The following KIAA1210 variants were observed in gnomAD, a reference collection of about 807,000 sequenced individuals.
KIAA1210 encodes the protein KIAA1210, also known as acrosomal protein KIAA1210.
In KIAA1210, 48 loss-of-function variants were observed where a neutral mutation model predicts 78.9. The ratio of observed to expected loss-of-function variants is 0.61; its 90% confidence interval spans 0.48 to 0.77. The LOEUF is 0.77. Ranked by LOEUF, KIAA1210 falls within the 30% of genes least tolerant of loss-of-function variation. KIAA1210 has a pLI of 0.00. For missense variants in KIAA1210, 1,108 were observed against 1,100.0 expected (o/e 1.01, Z -0.10); for synonymous variants, 406 against 404.5 (o/e 1.00, Z -0.04).
chrX:119,111,765 A>G (rs1435107297), intron 3 of KIAA1210, among the ~76,000 whole-genome samples: 2 of 111,859 alleles, frequency 1.8e-5, no homozygotes, highest in Non-Finnish European at 3.8e-5. Flanking sequence ...TTTAAAAATT[A>G]ACTCAAAATG....
chrX:119,089,409 A>G lies in KIAA1210; in HGVS notation c.1293T>C (p.Pro431=). ...PTTSQPETTT[P]QGLLSDKDDM... is the part of the protein sequence containing the mutation. The stretch of plus-strand genomic sequence containing the variant: ...CATCTTTATCTGAAAGCAACCCCTG[A>G]GGGGTAGTGGTTTCTGGTTGTGAAG... The change falls in exon 9 of 12, where the codon CCT becomes CCC. Residue 431 remains proline (P), a synonymous_variant. Coordinates refer to ENST00000691062, the MANE Select transcript of KIAA1210 (RefSeq NM_001394962.1). 1 of 1,211,468 alleles carries G rather than the reference A, an allele frequency of 8.3e-7. No homozygotes were observed. Among genetic ancestry groups the G allele is most frequent in the Non-Finnish European group, 1.1e-6 (1 of 895,329 alleles).
At chrX:119,084,511 T>G (rs1428137437) in intron 10 of KIAA1210, among the ~76,000 whole-genome samples, 1 of 112,071 alleles carries the variant, frequency 8.9e-6, no homozygotes, top group African/African-American at 3.2e-5. Context: ...AAAATATCTG[T>G]AAAGATAGTC....
intron 9 of KIAA1210, among the ~76,000 whole-genome samples, chrX:119,086,066 A>G (rs1041415291): frequency 1.8e-5 from 2 of 112,880 alleles, no homozygotes; most frequent in Non-Finnish European, 3.7e-5. Context: ...AAGATCGCCT[A>G]GCTCTAAATT....
chrX:119,146,901 A>T (rs973227136), intron 2 of KIAA1210, among the ~76,000 whole-genome samples: 2 of 111,005 alleles, frequency 1.8e-5, no homozygotes, highest in African/African-American at 6.5e-5. Flanking sequence ...GGAAAGAAAA[A>T]AAAAACAGGA....
At chrX:119,123,729 C>A in intron 1 of KIAA1210, 77 bp from the exon 2 acceptor site, 1 of 600,483 alleles carries the variant, frequency 1.7e-6, no homozygotes. Context: ...TTTCACCCTA[C>A]CCCTTATCCT....
chrX:119,147,578 C>A (rs779696176), exon 2 of KIAA1210: 13 of 1,208,457 alleles, frequency 1.1e-5, no homozygotes, highest in South Asian at 1.8e-5. Flanking sequence ...TGCAGTGCCA[C>A]AAAAGCATCC....
chrX:119,086,266 G>A (rs1231295574), intron 9 of KIAA1210, among the ~76,000 whole-genome samples: 1 of 111,696 alleles, frequency 9.0e-6, no homozygotes, highest in African/African-American at 3.3e-5. Context: ...TGCAGAGGGT[G>A]AGGAAGAGGG....
rs1345051344 is a variant in KIAA1210, at chrX:119,125,727, ATATATATATTT to A, written c.-11+1989_-11+1999del. 4.3e-4 allele frequency among the ~76,000 whole-genome samples: 3 copies of A among 6,927 alleles called. No homozygotes were observed. In the East Asian group the frequency reaches 0.033, roughly 77 times the overall value. The allele number at this position is 6,927 out of a possible 115,157, so 6.0% of individuals were successfully genotyped here. ...GCCCAGCTAATACATATATATATAT[ATATATATATTT>A]TTTTTTTTTTTTTTTTGGAGAGATG... On this transcript the variant is annotated intron_variant, in intron 1 of 11. Coordinates refer to ENST00000691062, the MANE Select transcript of KIAA1210 (RefSeq NM_001394962.1).
intron 2 of KIAA1210, among the ~76,000 whole-genome samples, chrX:119,117,773 C>T (rs1041791907): frequency 7.3e-5 from 8 of 109,560 alleles, no homozygotes; most frequent in African/African-American, 2.0e-4. Flanking sequence ...TTTGTAGAGA[C>T]GACGCTCTAG....
rs959582565 is a variant in KIAA1210 at position 119,078,739 on chromosome X, A to G, written c.*2590T>C. ...CCTTTAGGCATTTAAAAAGAACTTA[A>G]TCTCTTCATTTAAAAACAGAACTTT... On this transcript the variant is annotated 3_prime_UTR_variant, in exon 12 of 12. Transcript: ENST00000691062. 1.8e-5 allele frequency: 2 copies of G among 113,235 alleles called. No individual in the cohort carries two copies. The highest frequency in any genetic ancestry group is 3.7e-5 in the Non-Finnish European group (2 of 53,439). The allele number at this position is 113,235 out of a possible 1,213,427, so 9.3% of individuals were successfully genotyped here. A position where few individuals can be genotyped will look rare whatever the true frequency, so the allele number is the denominator to read the frequency against.
chrX:119,083,880 G>A (rs919027008), intron 10 of KIAA1210, among the ~76,000 whole-genome samples: 19 of 107,219 alleles, frequency 1.8e-4, no homozygotes, highest in Middle Eastern at 4.7e-3. Flanking sequence ...GCCTATAGTC[G>A]CAGCTACTAT....
At chrX:119,145,021 T>A (rs1929134114) in intron 2 of KIAA1210, among the ~76,000 whole-genome samples, 1 of 111,529 alleles carries the variant, frequency 9.0e-6, no homozygotes, top group African/African-American at 3.3e-5. Context: ...TGCGATAAAA[T>A]AAAATTAAAT....
chrX:119,145,728 C>T (rs1929152290), intron 2 of KIAA1210, among the ~76,000 whole-genome samples: 1 of 112,004 alleles, frequency 8.9e-6, no homozygotes, highest in African/African-American at 3.2e-5. Context: ...TTAACTTGGC[C>T]TTCTGAAAGC....
At chrX:119,118,793 C>T (rs1310082738) in intron 2 of KIAA1210, among the ~76,000 whole-genome samples, 1 of 112,266 alleles carries the variant, frequency 8.9e-6, no homozygotes, top group Non-Finnish European at 1.9e-5. Flanking sequence ...CTCATTCATT[C>T]GTTCATTCAT....
chrX:119,144,499 A>G (rs1463960487), intron 2 of KIAA1210, among the ~76,000 whole-genome samples: 1 of 111,959 alleles, frequency 8.9e-6, no homozygotes, highest in Non-Finnish European at 1.9e-5. Context: ...GAGAAGCACT[A>G]CTATGATTAC....
At position 119,147,072 on chromosome X, in the gene KIAA1210, C is replaced by T. The variant is rs144021045; in HGVS notation, c.410+401G>A. On this transcript the variant is annotated intron_variant, in intron 2 of 13. Transcript: ENST00000402510. Reference sequence around the variant, plus strand: ...TTCAAATGGCCTAAATTTGCCTTCCCTAACTGGAAGGTGACATAGAGCCAA... The same window carrying T: ...TTCAAATGGCCTAAATTTGCCTTCCTTAACTGGAAGGTGACATAGAGCCAA... Among the ~76,000 whole-genome samples the T allele has an allele frequency of 7.4e-3, 822 of 111,284 alleles. 10 individuals are homozygous for T. Among genetic ancestry groups the T allele is most frequent in the African/African-American group, 0.026 (785 of 30,603 alleles).
At chrX:119,140,522 A>G (rs1929024431) in intron 2 of KIAA1210, among the ~76,000 whole-genome samples, 1 of 66,092 alleles carries the variant, frequency 1.5e-5, no homozygotes, top group African/African-American at 5.9e-5. Flanking sequence ...ACAGAACAAG[A>G]CTCTTTCTTA....
upstream of KIAA1210, among the ~76,000 whole-genome samples, chrX:119,132,313 T>C (rs139072835): frequency 2.6e-3 from 294 of 111,544 alleles, no homozygotes; most frequent in Non-Finnish European, 4.8e-3. Context: ...ATTTGTAACA[T>C]AGCAATAGAA....
In KIAA1210 at chrX:119,085,353, G is replaced by T. The variant is rs147636868; in HGVS notation, c.4320+30C>A. On this transcript the variant is annotated intron_variant, in intron 10 of 11. Transcript: ENST00000691062. The stretch of plus-strand genomic sequence containing the variant: ...ATCAGTGATTCCAGCAACCTTTTTG[G>T]AGTGTTTTATTGGCTACCCCAGGTC... The T allele has an allele frequency of 2.9e-3, 3,354 of 1,173,760 alleles. 55 individuals carry two copies. The African/African-American group carries it at 0.049, about 17-fold the overall frequency.
Sources: allele counts gnomAD v4.1 joint callset (sites outside exome capture counted in the v4.1 genomes callset), GRCh38; gene constraint gnomAD v4.1.1; transcripts MANE v1.5; gene names NCBI Gene and HGNC (gene_info 2026-07-23, HGNC 2026-07-21).